Variants in ABCF2 observed in about 807,000 individuals in gnomAD.
The protein encoded by ABCF2 is ATP binding cassette subfamily F member 2.
Under a neutral mutation model 76.9 loss-of-function variants are expected in ABCF2, and 37 were observed. The observed-to-expected ratio is 0.48, with a 90% CI of 0.37 to 0.63. ABCF2 has a LOEUF of 0.63. Among genes scored for constraint, ABCF2 ranks in the 30% least tolerant of loss-of-function variants. The pLI is 0.00. For missense variants in ABCF2, 524 were observed against 782.1 expected (o/e 0.67, Z 3.94); for synonymous variants, 299 against 283.7 (o/e 1.05, Z -0.54).
At chr7:151,224,454 T>A (rs1802334217) in intron 3 of ABCF2, among the ~76,000 whole-genome samples, 1 of 152,194 alleles carries the variant, frequency 6.6e-6, no homozygotes, top group Non-Finnish European at 1.5e-5. Context: ...CCAAAACCTT[T>A]TAAGTGCTCA....
chr7:151,219,144 A>G lies in ABCF2; in HGVS notation c.937T>C (p.Tyr313His). Residue 313 changes from tyrosine (Y) to histidine (H), a missense_variant, in exon 8 of 15, where the codon TAC becomes CAC. Transcript: ENST00000287844. ...TCCAGCTCTAGCCGCGTCTTCACGTACTGATCATAATTACCCTGCATGGAA... is the reference window on the plus strand; with the variant it reads ...TCCAGCTCTAGCCGCGTCTTCACGTGCTGATCATAATTACCCTGCATGGAA... ...LKYYTGNYDQ[Y>H]VKTRLELEEN... The G allele has an allele frequency of 1.2e-6, 2 of 1,613,892 alleles. No individual in the cohort carries two copies. The highest frequency in any genetic ancestry group is 1.7e-5 in the Admixed American group (1 of 59,988).
Position 151,213,965 on chromosome 7 carries a change from T to C in ABCF2, c.*89A>G. On this transcript the variant is annotated 3_prime_UTR_variant, in exon 15 of 15. Transcript: ENST00000287844. Reference sequence around the variant, plus strand: ...GCAGTATTGCAGCAATGCAGGAGTGTAGCCCCAGGGTCCTGTCCTGAGCGG... The same window carrying C: ...GCAGTATTGCAGCAATGCAGGAGTGCAGCCCCAGGGTCCTGTCCTGAGCGG... 4 of 1,561,490 alleles carry C rather than the reference T, an allele frequency of 2.6e-6. No homozygotes were observed. Among genetic ancestry groups the C allele is most frequent in the Non-Finnish European group, 3.4e-6 (4 of 1,159,596 alleles).
chr7:151,221,860 C>T (rs1432077690), intron 6 of ABCF2, 180 bp from the exon 7 acceptor site: 13 of 545,548 alleles, frequency 2.4e-5, no homozygotes, highest in South Asian at 8.3e-5. Flanking sequence ...GGTATTTGGA[C>T]GCCTTTCAGT....
At chr7:151,222,058 A>C (rs1001026718) in intron 6 of ABCF2, 2 of 199,452 alleles carry the variant, frequency 1.0e-5, no homozygotes, top group African/African-American at 2.3e-5. Context: ...TTACTTTTTG[A>C]AAGAAGGTAC....
In ABCF2 at chr7:151,218,871, G is replaced by C; in HGVS notation, c.1020C>G (p.Asn340Lys). ...TGCCATGACCAAACCTCGCAATGTA[G>C]TTCTAAAAAAGACCAAAGAGAGCTT... ...WEQDQIAHMK[N>K]YIARFGHGSA... Residue 340 changes from asparagine (N) to lysine (K), a missense_variant and splice_region_variant, in exon 9 of 15, where the codon AAC (asparagine) becomes AAG (lysine). By Grantham distance (94) the Asn-to-Lys change is moderately conservative. Around this residue, in one of 2 missense-constraint regions of ABCF2, gnomAD observed 330 missense variants for 433.6 expected, o/e 0.76. Transcript: ENST00000287844. 1 of 1,613,442 alleles carries C rather than the reference G, an allele frequency of 6.2e-7. No individual in the cohort carries two copies. Among genetic ancestry groups the C allele is most frequent in the Non-Finnish European group, 8.5e-7 (1 of 1,179,998 alleles).
rs146452689 is a variant in ABCF2, at chr7:151,217,208, G to A, written c.1338+873C>T. On this transcript the variant is annotated intron_variant, in intron 11 of 14. Transcript: ENST00000287844. ...AACCCAGGGAACAAGACAAGAACCAGCCCTGAAGAGGACACCATTCCATTA... is the reference window on the plus strand; with the variant it reads ...AACCCAGGGAACAAGACAAGAACCAACCCTGAAGAGGACACCATTCCATTA... Among the ~76,000 whole-genome samples, 128 of 152,320 alleles carry A rather than the reference G, an allele frequency of 8.4e-4. 1 individual carries two copies. Among genetic ancestry groups the A allele is most frequent in the African/African-American group, 2.9e-3 (119 of 41,562 alleles).
Position 151,218,146 on chromosome 7 carries a change from G to T in ABCF2, c.1273C>A (p.Arg425=), listed in dbSNP as rs773313474. ...NLEFGIDLDT[R]VALVGPNGAG... is the part of the protein sequence containing the mutation. ...CCATTGGGCCCTACCAGAGCCACTC[G>T]TGTGTCAAGGTCAATTCCAAATTCT... The change falls in exon 11 of 15, where the codon CGA becomes AGA. Residue 425 remains arginine, a synonymous_variant. Transcript: ENST00000287844. 1 of 1,614,164 alleles carries T rather than the reference G, an allele frequency of 6.2e-7. No homozygotes were observed. The highest frequency in any genetic ancestry group is 8.5e-7 in the Non-Finnish European group (1 of 1,179,988).
rs1692003502 is a variant in ABCF2 at position 151,215,868 on chromosome 7, T to A, written c.1401+99A>T. 1.9e-6 allele frequency: 3 copies of A among 1,587,052 alleles called. No homozygotes were observed. In the South Asian group the frequency reaches 3.4e-5, roughly 18 times the overall value. ...CAGGTAGGAGCCACCTAGGCTGGAA[T>A]TCCTGCCAGGGGGTGGGGGCGGCTG... On this transcript the variant is annotated intron_variant, in intron 12 of 14. Transcript: ENST00000287844. The surrounding 1 kb of genome is among the most constrained non-coding windows in gnomAD (Gnocchi z 4.6).
At position 151,213,938 on chromosome 7, in the gene ABCF2, G is replaced by A; in HGVS notation, c.*116C>T. 1 of 1,513,674 alleles carries A rather than the reference G, an allele frequency of 6.6e-7. No individual in the cohort carries two copies. Among genetic ancestry groups the A allele is most frequent in the South Asian group, 1.3e-5 (1 of 74,664 alleles). The allele number at this position is 1,513,674 out of a possible 1,614,324, so 93.8% of individuals were successfully genotyped here. On this transcript the variant is annotated 3_prime_UTR_variant, in exon 15 of 15. Transcript: ENST00000287844. ...TTGAGGGGCAGGGGAGAGGCTGGGG[G>A]AGCAGTATTGCAGCAATGCAGGAGT...
intron 11 of ABCF2, among the ~76,000 whole-genome samples, chr7:151,216,357 C>A (rs1180262178): frequency 6.6e-6 from 1 of 152,222 alleles, no homozygotes; most frequent in South Asian, 2.1e-4. Context: ...AAAGTTGTCA[C>A]TGTCATCGAT....
intron 5 of ABCF2, among the ~76,000 whole-genome samples, chr7:151,223,139 T>G (rs1046590392): frequency 6.6e-6 from 1 of 152,134 alleles, no homozygotes; most frequent in African/African-American, 2.4e-5. Context: ...CTAAGGCACA[T>G]GCAGGCAACT....
Position 151,224,721 on chromosome 7 carries a change from G to A in ABCF2, c.367+55C>T, listed in dbSNP as rs143617633. ...CAGTTGATGCTAAATAAATGCTTGT[G>A]AGTGACAGATGAGCTAAGGAGAGAT... On this transcript the variant is annotated intron_variant, in intron 3 of 14. Coordinates refer to ENST00000287844, the MANE Select transcript of ABCF2 (RefSeq NM_007189.3). The A allele has an allele frequency of 4.0e-6, 6 of 1,485,194 alleles. No individual in the cohort carries two copies. In the African/African-American group the frequency reaches 5.5e-5, roughly 14 times the overall value. 92.0% of individuals were successfully genotyped at this position (1,485,194 alleles called of 1,614,324 possible).
rs947941784 is a variant in ABCF2 at position 151,214,718 on chromosome 7, C to T, written c.1734+161G>A. ...TTTCAGTTAAGGCTTTCTAAGTAGC[C>T]CCAAAGAGGCATAAGAACTGGTCCT... On this transcript the variant is annotated intron_variant, in intron 14 of 14. Transcript: ENST00000287844. This position sits in a 1 kb window ranked among gnomAD's most constrained non-coding sequence, Gnocchi z 4.9. Among the ~76,000 whole-genome samples, 2 of 152,128 alleles carry T rather than the reference C, an allele frequency of 1.3e-5. No individual in the cohort carries two copies. Among genetic ancestry groups the T allele is most frequent in the Non-Finnish European group, 2.9e-5 (2 of 68,020 alleles).
intron 7 of ABCF2, among the ~76,000 whole-genome samples, chr7:151,220,534 G>A (rs1260163807): frequency 6.6e-6 from 1 of 152,126 alleles, no homozygotes; most frequent in Non-Finnish European, 1.5e-5. Flanking sequence ...GAATGAAGAG[G>A]ACATCAATCG....
At position 151,212,202 on chromosome 7, in the gene ABCF2, A is replaced by G; in HGVS notation, c.*1852T>C. ...TGAAAAATCATGGCTGTGTCTTCCC[A>G]TAGGGATGGCTGATTTCAGAGGCAG... On this transcript the variant is annotated 3_prime_UTR_variant, in exon 15 of 15. Transcript: ENST00000287844. 1.0e-6 allele frequency: 1 copy of G among 985,390 alleles called. No individual in the cohort carries two copies. Among genetic ancestry groups the G allele is most frequent in the South Asian group, 4.7e-5 (1 of 21,286 alleles). 61.0% of individuals were successfully genotyped at this position (985,390 alleles called of 1,614,324 possible).
Position 151,215,504 on chromosome 7 carries a change from G to C in ABCF2, c.1530+100C>G, listed in dbSNP as rs1051189100. On this transcript the variant is annotated intron_variant, in intron 13 of 14. Transcript: ENST00000287844. This position sits in a 1 kb window ranked among gnomAD's most constrained non-coding sequence, Gnocchi z 4.6. ...GTCAAATGGAGGAGACTCTGGTTTG[G>C]ACAGCTTCCAAACCCAGGCTGCCAG... is the stretch of plus-strand genomic sequence containing the variant. The C allele has an allele frequency of 6.1e-6, 9 of 1,478,442 alleles. No homozygotes were observed. Among genetic ancestry groups the C allele is most frequent in the Admixed American group, 1.8e-5 (1 of 54,938 alleles). 91.6% of individuals were successfully genotyped at this position (1,478,442 alleles called of 1,614,324 possible). A position where few individuals can be genotyped will look rare whatever the true frequency, so the allele number is the denominator to read the frequency against.
rs1268217438 is a variant in ABCF2 at position 151,215,258 on chromosome 7, GC to G, written c.1531-177del. Among the ~76,000 whole-genome samples the G allele has an allele frequency of 6.6e-6, 1 of 152,138 alleles. No individual in the cohort carries two copies. Among genetic ancestry groups the G allele is most frequent in the African/African-American group, 2.4e-5 (1 of 41,412 alleles). On this transcript the variant is annotated intron_variant, in intron 13 of 14. Coordinates refer to ENST00000287844, the MANE Select transcript of ABCF2 (RefSeq NM_007189.3). This position sits in a 1 kb window ranked among gnomAD's most constrained non-coding sequence, Gnocchi z 4.6. ...AAAGAGACTCATCCGGAAACCTGAAGCCCTTGCCATTACTAAGCCCACACCT... is the reference window on the plus strand; with the variant it reads ...AAAGAGACTCATCCGGAAACCTGAAGCCTTGCCATTACTAAGCCCACACCT...
Position 151,223,920 on chromosome 7 carries a change from C to A in ABCF2, c.550+12G>T. 6.2e-7 allele frequency: 1 copy of A among 1,611,850 alleles called. No individual in the cohort carries two copies. Among genetic ancestry groups the A allele is most frequent in the Non-Finnish European group, 8.5e-7 (1 of 1,178,394 alleles). On this transcript the variant is annotated intron_variant, in intron 4 of 14. Coordinates refer to ENST00000287844, the MANE Select transcript of ABCF2 (RefSeq NM_007189.3). ...AGGACGCCCACCCCTATGCCCAGGT[C>A]TGGAGCCCTACCATCCTCATGAGCC...
At chr7:151,223,623 T>C in intron 5 of ABCF2, 55 bp downstream of exon 5, 3 of 1,527,048 alleles carry the variant, frequency 2.0e-6, no homozygotes, top group Non-Finnish European at 2.6e-6. Flanking sequence ...GAGTGAACAC[T>C]AAACACTGGA....
Sources: allele counts gnomAD v4.1 joint callset (sites outside exome capture counted in the v4.1 genomes callset), GRCh38; gene constraint gnomAD v4.1.1; regional missense constraint gnomAD v4.1.1; non-coding constraint Gnocchi (gnomAD v3.1); transcripts MANE v1.5; gene names NCBI Gene and HGNC (gene_info 2026-07-23, HGNC 2026-07-21).